Variants in PTCH1 observed in about 807,000 individuals in gnomAD.
The protein encoded by PTCH1 is patched 1.
PTCH1 carries 14 observed loss-of-function variants against 144.6 expected under a neutral mutation model. The observed-to-expected ratio is 0.10, with a 90% CI of 0.06 to 0.15. The LOEUF (loss-of-function observed/expected upper bound fraction) is 0.15. Ranked by LOEUF, PTCH1 falls within the 10% of genes least tolerant of loss-of-function variation. PTCH1 has a pLI of 1.00. For synonymous variants in PTCH1, 833 were observed against 793.6 expected, an observed-to-expected ratio of 1.05 and a Z score of -0.83; for missense variants, 1,623 against 1,948.3, an observed-to-expected ratio of 0.83 and a Z score of 3.14.
chr9:95,458,416 C>A lies in PTCH1; in HGVS notation c.2888-123G>T. 2 of 1,286,226 alleles carry A rather than the reference C, an allele frequency of 1.6e-6. No homozygotes were observed. Among genetic ancestry groups the A allele is most frequent in the Admixed American group, 2.0e-5 (1 of 50,346 alleles). The allele number at this position is 1,286,226 out of a possible 1,614,324, so 79.7% of individuals were successfully genotyped here. ...CTGCTCTTCTACATGATACAAAGAACAAACAATGCTGATCATAGCCTCCAG... is the reference window on the plus strand; with the variant it reads ...CTGCTCTTCTACATGATACAAAGAAAAAACAATGCTGATCATAGCCTCCAG... On this transcript the variant is annotated intron_variant, in intron 17 of 23. Coordinates refer to ENST00000331920, the MANE Select transcript of PTCH1 (RefSeq NM_000264.5). This position sits in a 1 kb window ranked among gnomAD's most constrained non-coding sequence, Gnocchi z 4.7.
intron 2 of PTCH1, among the ~76,000 whole-genome samples, chr9:95,491,947 C>T (rs549484691): frequency 1.4e-4 from 22 of 152,296 alleles, no homozygotes; most frequent in African/African-American, 5.1e-4. Flanking sequence ...TGAAAACTAA[C>T]GCATCGTGCA....
chr9:95,474,818 A>G (rs530717525), intron 12 of PTCH1, among the ~76,000 whole-genome samples: 23 of 152,316 alleles, frequency 1.5e-4, no homozygotes, highest in Admixed American at 1.4e-3. Flanking sequence ...AGACTGGTCA[A>G]TTTCTCTTCC....
chr9:95,469,013 T>C lies in PTCH1; in HGVS notation c.1988A>G (p.Gln663Arg), dbSNP rs1840305709. ...GTGGGGGTCGTACTCCGTGCGGAGC[T>C]GGACAGTGGACTGCATGGTAATCTG... ...ETQITMQSTV[Q>R]LRTEYDPHTH... is the part of the protein sequence containing the mutation. The change falls in exon 14 of 24, where the codon CAG becomes CGG. Residue 663 changes from glutamine to arginine, a missense_variant. By Grantham distance (43) the Gln-to-Arg change is conservative (BLOSUM62 1). Around this residue, in one of 7 missense-constraint regions of PTCH1, gnomAD observed 179 missense variants for 165.7 expected, o/e 1.08. Coordinates refer to ENST00000331920, the MANE Select transcript of PTCH1 (RefSeq NM_000264.5). 1.2e-6 allele frequency: 2 copies of C among 1,613,850 alleles called. No homozygotes were observed. Among genetic ancestry groups the C allele is most frequent in the Non-Finnish European group, 1.7e-6 (2 of 1,180,018 alleles).
At chr9:95,509,795 G>C (rs567031926), upstream of PTCH1, among the ~76,000 whole-genome samples, 3 of 152,220 alleles carry the variant, frequency 2.0e-5, no homozygotes, top group South Asian at 6.2e-4. Flanking sequence ...TAATGACAGC[G>C]TGCTGGATAG....
At chr9:95,496,067 G>A (rs1162629243) in intron 2 of PTCH1, among the ~76,000 whole-genome samples, 2 of 152,180 alleles carry the variant, frequency 1.3e-5, no homozygotes, top group African/African-American at 2.4e-5. Flanking sequence ...AGAAAAGGAG[G>A]TAAGCTTTGG....
intron 2 of PTCH1, among the ~76,000 whole-genome samples, chr9:95,498,600 G>A (rs780705624): frequency 6.6e-6 from 1 of 151,976 alleles, no homozygotes; most frequent in East Asian, 1.9e-4. Context: ...GTATTCTGCT[G>A]TACGGAAGGC....
chr9:95,479,804 G>T, intron 7 of PTCH1, 165 bp downstream of exon 7: 2 of 1,125,558 alleles, frequency 1.8e-6, no homozygotes, highest in Non-Finnish European at 2.6e-6. Context: ...TTTTCAAGCT[G>T]TTGCAGTCTG....
At chr9:95,489,653 G>A (rs998735572) in intron 2 of PTCH1, among the ~76,000 whole-genome samples, 5 of 151,948 alleles carry the variant, frequency 3.3e-5, no homozygotes, top group African/African-American at 9.7e-5. Flanking sequence ...CCACTGTCAG[G>A]ATCAAAGTCC....
In PTCH1 at chr9:95,449,493, C is replaced by G; in HGVS notation, c.3550-170G>C. The stretch of plus-strand genomic sequence containing the variant: ...TACCACCTGGAGGACCTTCAGGTCC[C>G]GCAGCTGGAGCAGAAGAACTGTCCT... On this transcript the variant is annotated intron_variant, in intron 21 of 23. Transcript: ENST00000331920. The surrounding 1 kb of genome is among the most constrained non-coding windows in gnomAD (Gnocchi z 5.3). The G allele has an allele frequency of 1.1e-6, 1 of 913,426 alleles. No individual in the cohort carries two copies. Among genetic ancestry groups the G allele is most frequent in the Non-Finnish European group, 1.7e-6 (1 of 595,540 alleles). The allele number at this position is 913,426 out of a possible 1,614,324, so 56.6% of individuals were successfully genotyped here.
At chr9:95,501,589 C>G (rs993623556) in intron 2 of PTCH1, among the ~76,000 whole-genome samples, 9 of 151,568 alleles carry the variant, frequency 5.9e-5, no homozygotes, top group Admixed American at 1.3e-4. Context: ...TTCCTTGACG[C>G]TGGCCTGCAG....
rs776348981 is a variant in PTCH1 at position 95,449,992 on chromosome 9, C to T, written c.3450-52G>A. 35 of 1,524,982 alleles carry T rather than the reference C, an allele frequency of 2.3e-5. No individual in the cohort carries two copies. The highest frequency in any genetic ancestry group is 3.2e-5 in the Non-Finnish European group (35 of 1,102,816). The allele number at this position is 1,524,982 out of a possible 1,614,324, so 94.5% of individuals were successfully genotyped here. Reference sequence around the variant, plus strand: ...ACGCGCTGTGACAGGGTGGATCGCGCCACCCTCCGTGTGCCCGACACAGCA... The same window carrying T: ...ACGCGCTGTGACAGGGTGGATCGCGTCACCCTCCGTGTGCCCGACACAGCA... On this transcript the variant is annotated intron_variant, in intron 20 of 23. Transcript: ENST00000331920. This position sits in a 1 kb window ranked among gnomAD's most constrained non-coding sequence, Gnocchi z 5.3.
chr9:95,474,584 G>C (rs954574953), intron 12 of PTCH1, among the ~76,000 whole-genome samples: 5 of 152,048 alleles, frequency 3.3e-5, no homozygotes, highest in Admixed American at 2.6e-4. Flanking sequence ...TGGGGCTGGC[G>C]GTTACGGTAA....
chr9:95,485,979 A>G (rs1841938756), intron 2 of PTCH1, 105 bp from the exon 3 acceptor site: 1 of 1,263,826 alleles, frequency 7.9e-7, no homozygotes, highest in African/African-American at 1.5e-5. Flanking sequence ...GATGAACTCT[A>G]GTCATGAGAC....
At chr9:95,466,477 C>T (rs906128601) in intron 15 of PTCH1, among the ~76,000 whole-genome samples, 1 of 152,092 alleles carries the variant, frequency 6.6e-6, no homozygotes, top group African/African-American at 2.4e-5. Context: ...ACTATGGAGC[C>T]TGGGTAATAA....
intron 15 of PTCH1, among the ~76,000 whole-genome samples, chr9:95,465,424 CA>C (rs1445868067): frequency 6.6e-6 from 1 of 152,154 alleles, no homozygotes; most frequent in East Asian, 1.9e-4. Context: ...CTCATTATCC[CA>C]AAAACCATTG....
chr9:95,470,809 T>C (rs1164914329), intron 12 of PTCH1, among the ~76,000 whole-genome samples: 1 of 152,018 alleles, frequency 6.6e-6, no homozygotes, highest in East Asian at 1.9e-4. Context: ...GCGCGGTGGC[T>C]CACGCCTATA....
chr9:95,449,438 C>T lies in PTCH1; in HGVS notation c.3550-115G>A, dbSNP rs56021411. ...CTCTGTTCCCTGCCCTGGGGCCCTG[C>T]GCACTGTGCCGTATTAACCTCCCCT... On this transcript the variant is annotated intron_variant, in intron 21 of 23. Coordinates refer to ENST00000331920, the MANE Select transcript of PTCH1 (RefSeq NM_000264.5). The surrounding 1 kb of genome is among the most constrained non-coding windows in gnomAD (Gnocchi z 5.3). The T allele has an allele frequency of 2.5e-5, 36 of 1,415,038 alleles. No individual in the cohort carries two copies. Among genetic ancestry groups the T allele is most frequent in the African/African-American group, 2.8e-5 (2 of 70,468 alleles). 87.7% of individuals were successfully genotyped at this position (1,415,038 alleles called of 1,614,324 possible).
At chr9:95,509,539 TTC>T (rs955779503), upstream of PTCH1, among the ~76,000 whole-genome samples, 10 of 152,192 alleles carry the variant, frequency 6.6e-5, no homozygotes, top group East Asian at 1.9e-4. Flanking sequence ...TCCCCCTCCT[TTC>T]TCTCTTATTC....
At chr9:95,478,577 T>C (rs1230833289) in intron 8 of PTCH1, among the ~76,000 whole-genome samples, 1 of 152,206 alleles carries the variant, frequency 6.6e-6, no homozygotes, top group South Asian at 2.1e-4. Context: ...GTTCATTTGC[T>C]GGCCACTTTT....
Sources: allele counts gnomAD v4.1 joint callset (sites outside exome capture counted in the v4.1 genomes callset), GRCh38; gene constraint gnomAD v4.1.1; regional missense constraint gnomAD v4.1.1; non-coding constraint Gnocchi (gnomAD v3.1); transcripts MANE v1.5; gene names NCBI Gene and HGNC (gene_info 2026-07-23, HGNC 2026-07-21).